DAP: variants seen among roughly 807,000 people sequenced by gnomAD.
DAP encodes death-associated protein 1.
Under a neutral mutation model 13.8 loss-of-function variants are expected in DAP, and 8 were observed. That is an observed-to-expected ratio of 0.58 (90% confidence interval 0.34 to 1.05). The LOEUF (loss-of-function observed/expected upper bound fraction) is 1.05, where lower values mean the gene tolerates loss of function less well. Ranked by LOEUF, DAP falls within the 50% of genes least tolerant of loss-of-function variation. The probability of loss-of-function intolerance (pLI) is 0.03; values close to 1 mark genes in which losing one functional copy is unlikely to be tolerated. For missense variants in DAP, 106 were observed against 133.2 expected (o/e 0.80, Z 1.01); for synonymous variants, 47 against 47.5 (o/e 0.99, Z 0.04).
At position 10,694,331 on chromosome 5, in the gene DAP, C is replaced by T. The variant is rs1049985530; in HGVS notation, c.153-10760G>A. 3.3e-5 allele frequency among the ~76,000 whole-genome samples: 5 copies of T among 151,952 alleles called. No homozygotes were observed. In the South Asian group the frequency reaches 1.0e-3, roughly 32 times the overall value. On this transcript the variant is annotated intron_variant, in intron 2 of 3. Coordinates refer to ENST00000230895, the MANE Select transcript of DAP (RefSeq NM_004394.3). ...CTTTTCTGAGGCTTAGTTTCCTTGT[C>T]TATAAAACTGGACAGCAACAGACCC...
At position 10,680,738 on chromosome 5, in the gene DAP, T is replaced by C. The variant is rs1167389822; in HGVS notation, c.*318A>G. On this transcript the variant is annotated 3_prime_UTR_variant, in exon 4 of 4. Coordinates refer to ENST00000230895, the MANE Select transcript of DAP (RefSeq NM_004394.3). ...GTGTGCCTTCTTGTTTTTAAGACCA[T>C]AGACAAGGACGTCAGGTGACTGCTG... The C allele has an allele frequency of 5.9e-6, 9 of 1,536,192 alleles. No homozygotes were observed. The highest frequency in any genetic ancestry group is 4.1e-5 in the African/African-American group (3 of 73,032).
intron 1 of DAP, among the ~76,000 whole-genome samples, chr5:10,751,057 G>A (rs1031473678): frequency 1.3e-5 from 2 of 152,186 alleles, no homozygotes; most frequent in African/African-American, 2.4e-5. Context: ...GACACAGTCC[G>A]GCTTCCTGGC....
At chr5:10,730,531 A>G (rs1181947368) in intron 2 of DAP, among the ~76,000 whole-genome samples, 1 of 149,108 alleles carries the variant, frequency 6.7e-6, no homozygotes, top group Non-Finnish European at 1.5e-5. Flanking sequence ...ATCTTTCTCT[A>G]TTGAGAGCCC....
At position 10,742,273 on chromosome 5, in the gene DAP, G is replaced by A. The variant is rs1191878196; in HGVS notation, c.152+5902C>T. On this transcript the variant is annotated intron_variant, in intron 2 of 3. Coordinates refer to ENST00000230895, the MANE Select transcript of DAP (RefSeq NM_004394.3). ...CTATCGGCCGGGTGCGGTGGCTCATGCCTGTAATCCCAGCACTTTGGCAGG... is the reference window on the plus strand; with the variant it reads ...CTATCGGCCGGGTGCGGTGGCTCATACCTGTAATCCCAGCACTTTGGCAGG... Among the ~76,000 whole-genome samples, 6 of 152,184 alleles carry A rather than the reference G, an allele frequency of 3.9e-5. No homozygotes were observed. In the South Asian group the frequency reaches 6.2e-4, roughly 16 times the overall value.
intron 2 of DAP, among the ~76,000 whole-genome samples, chr5:10,713,436 T>C (rs1393740859): frequency 6.6e-5 from 10 of 151,938 alleles, no homozygotes; most frequent in Non-Finnish European, 1.5e-5. Flanking sequence ...GAGCAGGGAA[T>C]GAGGGAGGCA....
intron 2 of DAP, among the ~76,000 whole-genome samples, chr5:10,718,736 C>T (rs183223086): frequency 1.3e-5 from 2 of 152,356 alleles, no homozygotes; most frequent in East Asian, 3.9e-4. Flanking sequence ...ACCTGGTATG[C>T]AGCCATTGAC....
intron 2 of DAP, among the ~76,000 whole-genome samples, chr5:10,742,633 C>G (rs1739789855): frequency 6.6e-6 from 1 of 152,088 alleles, no homozygotes; most frequent in Admixed American, 6.5e-5. Flanking sequence ...TCTGCCCTGC[C>G]CCAAACCTTT....
chr5:10,694,853 G>C (rs1738395247), intron 2 of DAP, among the ~76,000 whole-genome samples: 1 of 152,150 alleles, frequency 6.6e-6, no homozygotes, highest in Non-Finnish European at 1.5e-5. Flanking sequence ...AAAGCACAGA[G>C]CCTGCAGGGC....
intron 2 of DAP, among the ~76,000 whole-genome samples, chr5:10,684,698 T>C (rs5745283): frequency 1.1e-3 from 169 of 152,378 alleles, no homozygotes; most frequent in African/African-American, 4.0e-3. Context: ...TGTAATTATA[T>C]ACTCTTCTGT....
intron 2 of DAP, among the ~76,000 whole-genome samples, chr5:10,721,593 G>A (rs1354510769): frequency 6.6e-6 from 1 of 152,198 alleles, no homozygotes; most frequent in African/African-American, 2.4e-5. Flanking sequence ...ACCATTGCCT[G>A]TGATTAAGGT....
chr5:10,711,553 T>C (rs1458095998), intron 2 of DAP, among the ~76,000 whole-genome samples: 1 of 152,196 alleles, frequency 6.6e-6, no homozygotes, highest in Non-Finnish European at 1.5e-5. Flanking sequence ...ACTTCTACGC[T>C]CTCTTACTCT....
intron 3 of DAP, chr5:10,683,235 G>A (rs1203557713): frequency 8.3e-6 from 4 of 481,682 alleles, no homozygotes; most frequent in Non-Finnish European, 1.5e-5. Flanking sequence ...ATACTGTGGG[G>A]TTCACTGCGG....
At chr5:10,716,080 G>T (rs982288383) in intron 2 of DAP, among the ~76,000 whole-genome samples, 1 of 152,160 alleles carries the variant, frequency 6.6e-6, no homozygotes, top group African/African-American at 2.4e-5. Context: ...TGATAGCTGT[G>T]GCCAGTTTTA....
At chr5:10,689,073 C>A (rs187665757) in intron 2 of DAP, among the ~76,000 whole-genome samples, 220 of 152,270 alleles carry the variant, frequency 1.4e-3, no homozygotes, top group Non-Finnish European at 2.5e-3. Flanking sequence ...GCGTCTCCTG[C>A]ATTGATCACG....
intron 2 of DAP, among the ~76,000 whole-genome samples, chr5:10,746,333 G>GTT (rs558797485): frequency 0.015 from 2,107 of 138,870 alleles, 52 homozygotes; most frequent in Admixed American, 0.054. Flanking sequence ...TTTTTTTTTT[G>GTT]TTTTTTTTTT....
intron 2 of DAP, among the ~76,000 whole-genome samples, chr5:10,699,316 G>A (rs1485080637): frequency 6.6e-6 from 1 of 152,214 alleles, no homozygotes; most frequent in Admixed American, 6.5e-5. Flanking sequence ...TCCAGTTGCT[G>A]GAGGGACATA....
At chr5:10,720,971 A>T (rs1263235403) in intron 2 of DAP, among the ~76,000 whole-genome samples, 1 of 152,196 alleles carries the variant, frequency 6.6e-6, no homozygotes, top group African/African-American at 2.4e-5. Context: ...CAAGGCACGC[A>T]CTTTATGACT....
intron 2 of DAP, among the ~76,000 whole-genome samples, chr5:10,741,677 CTATT>C (rs1389656072): frequency 1.3e-5 from 2 of 152,200 alleles, no homozygotes; most frequent in Non-Finnish European, 2.9e-5. Flanking sequence ...TCCATCATTA[CTATT>C]TATTTATTCC....
intron 2 of DAP, among the ~76,000 whole-genome samples, chr5:10,746,064 C>A (rs1243361775): frequency 6.6e-6 from 1 of 152,206 alleles, no homozygotes; most frequent in African/African-American, 2.4e-5. Flanking sequence ...TTACAATATA[C>A]TGCCTGAGAC....
Sources: allele counts gnomAD v4.1 joint callset (sites outside exome capture counted in the v4.1 genomes callset), GRCh38; gene constraint gnomAD v4.1.1; transcripts MANE v1.5; gene names NCBI Gene and HGNC (gene_info 2026-07-23, HGNC 2026-07-21).